ARHGAP42: variants seen among roughly 807,000 people sequenced by gnomAD.
ARHGAP42 encodes the protein Rho GTPase activating protein 42.
A neutral mutation model predicts 125.0 loss-of-function variants in ARHGAP42; 63 were observed. That is an observed-to-expected ratio of 0.50 (90% CI 0.41 to 0.62). The LOEUF (loss-of-function observed/expected upper bound fraction) is 0.62. ARHGAP42 is among the 20% of genes least tolerant of loss of function. The pLI, the probability that ARHGAP42 is intolerant of heterozygous loss-of-function variation, is 0.00. For synonymous variants in ARHGAP42, 339 were observed against 351.0 expected (o/e 0.97, Z 0.38); for missense variants, 766 against 1,024.2 (o/e 0.75, Z 3.44).
At chr11:100,717,786 C>G (rs769106401) in intron 1 of ARHGAP42, among the ~76,000 whole-genome samples, 2 of 151,326 alleles carry the variant, frequency 1.3e-5, no homozygotes, top group African/African-American at 2.4e-5. Flanking sequence ...ATTAACAGGA[C>G]GTGGTGGCAC....
intron 3 of ARHGAP42, among the ~76,000 whole-genome samples, chr11:100,838,669 G>A (rs1297253537): frequency 6.6e-6 from 1 of 151,692 alleles, no homozygotes; most frequent in Non-Finnish European, 1.5e-5. Context: ...CTTTGGCCTG[G>A]GTAACAGAGC....
intron 4 of ARHGAP42, among the ~76,000 whole-genome samples, chr11:100,864,068 G>A (rs1865511237): frequency 6.6e-6 from 1 of 151,986 alleles, no homozygotes; most frequent in African/African-American, 2.4e-5. Context: ...TTCCATGACC[G>A]TGTTGGAAAC....
chr11:100,721,478 TC>T (rs1239309851), intron 1 of ARHGAP42, among the ~76,000 whole-genome samples: 6 of 139,028 alleles, frequency 4.3e-5, no homozygotes, highest in Admixed American at 3.6e-4. Context: ...TCTTTTCTTT[TC>T]TTTTTTTTTT....
intron 1 of ARHGAP42, among the ~76,000 whole-genome samples, chr11:100,702,193 C>T (rs1262069004): frequency 6.6e-6 from 1 of 151,898 alleles, no homozygotes; most frequent in Non-Finnish European, 1.5e-5. Flanking sequence ...TTCATTTGAA[C>T]ACTTGGAGGC....
At chr11:100,823,314 C>A (rs1006169778) in intron 3 of ARHGAP42, among the ~76,000 whole-genome samples, 2 of 152,172 alleles carry the variant, frequency 1.3e-5, no homozygotes, top group Admixed American at 6.5e-5. Flanking sequence ...TGGAAGACAA[C>A]TTGCAGGATT....
intron 3 of ARHGAP42, among the ~76,000 whole-genome samples, chr11:100,795,804 TATA>T (rs1863696410): frequency 6.6e-6 from 1 of 152,194 alleles, no homozygotes; most frequent in Non-Finnish European, 1.5e-5. Flanking sequence ...AATAGTAGTA[TATA>T]TCCCACAGGA....
chr11:100,986,964 C>T (rs756025548), intron 22 of ARHGAP42, among the ~76,000 whole-genome samples: 2 of 152,038 alleles, frequency 1.3e-5, no homozygotes, highest in Non-Finnish European at 2.9e-5. Context: ...TTTGCAAAGC[C>T]TCCACCTGTC....
At chr11:100,805,164 A>T (rs1480237800) in intron 3 of ARHGAP42, among the ~76,000 whole-genome samples, 1 of 152,236 alleles carries the variant, frequency 6.6e-6, no homozygotes, top group African/African-American at 2.4e-5. Context: ...TAGCCATTTC[A>T]AAGAAGAGGA....
intron 1 of ARHGAP42, among the ~76,000 whole-genome samples, chr11:100,737,547 G>A (rs1203396026): frequency 6.6e-6 from 1 of 151,402 alleles, no homozygotes; most frequent in Non-Finnish European, 1.5e-5. Context: ...TTTCCTATTG[G>A]TGATCATACT....
At chr11:100,888,734 A>G (rs1171567062) in intron 4 of ARHGAP42, among the ~76,000 whole-genome samples, 1 of 152,230 alleles carries the variant, frequency 6.6e-6, no homozygotes, top group Non-Finnish European at 1.5e-5. Context: ...CTTGAAGAAC[A>G]TGTAATGCTG....
chr11:100,740,966 A>G (rs911508544), intron 1 of ARHGAP42, among the ~76,000 whole-genome samples: 1 of 152,204 alleles, frequency 6.6e-6, no homozygotes, highest in African/African-American at 2.4e-5. Flanking sequence ...AAGCAGACAG[A>G]TTTATTTGAC....
At chr11:100,705,013 C>CAAAAAAA (rs1211966921) in intron 1 of ARHGAP42, among the ~76,000 whole-genome samples, 3 of 54,742 alleles carry the variant, frequency 5.5e-5, no homozygotes, top group African/African-American at 7.8e-5. Flanking sequence ...ACAACAACAA[C>CAAAAAAA]AAAAAAAAAA....
intron 9 of ARHGAP42, 130 bp from the exon 10 acceptor site, chr11:100,943,629 G>A (rs181117153): frequency 2.0e-5 from 11 of 537,174 alleles, no homozygotes; most frequent in African/African-American, 1.5e-4. Context: ...AAAAAGACAG[G>A]GTATGATTGT....
intron 2 of ARHGAP42, among the ~76,000 whole-genome samples, chr11:100,777,336 A>T (rs1377579656): frequency 6.6e-6 from 1 of 152,148 alleles, no homozygotes; most frequent in Non-Finnish European, 1.5e-5. Flanking sequence ...TGGTGAGGTG[A>T]CTCACATTGA....
At chr11:100,923,029 C>A (rs1249291005) in intron 6 of ARHGAP42, among the ~76,000 whole-genome samples, 1 of 152,142 alleles carries the variant, frequency 6.6e-6, no homozygotes, top group East Asian at 1.9e-4. Flanking sequence ...ATAGTGGACC[C>A]TTTAAGGATC....
At chr11:100,966,841 C>T (rs987044250) in intron 17 of ARHGAP42, among the ~76,000 whole-genome samples, 5 of 152,132 alleles carry the variant, frequency 3.3e-5, no homozygotes, top group African/African-American at 1.2e-4. Flanking sequence ...CAGTTTTAAA[C>T]TTACTTAAGA....
At chr11:100,697,841 C>T (rs917360369) in intron 1 of ARHGAP42, among the ~76,000 whole-genome samples, 2 of 152,034 alleles carry the variant, frequency 1.3e-5, no homozygotes, top group African/African-American at 4.8e-5. Context: ...CTTAAAATGT[C>T]TGAATGAAAG....
chr11:100,971,463 G>T (rs1202053906), intron 17 of ARHGAP42, among the ~76,000 whole-genome samples: 1 of 152,152 alleles, frequency 6.6e-6, no homozygotes, highest in African/African-American at 2.4e-5. Context: ...CTCCCTACAT[G>T]AATTGGGGAA....
At chr11:100,977,152 G>A (rs1858415335) in intron 21 of ARHGAP42, among the ~76,000 whole-genome samples, 181 bp downstream of exon 21, 1 of 152,180 alleles carries the variant, frequency 6.6e-6, no homozygotes, top group Non-Finnish European at 1.5e-5. Flanking sequence ...GAAGTCTTCG[G>A]ATATGGACAG....
Sources: gnomAD v4.1 joint callset for allele counts (sites outside exome capture counted in the v4.1 genomes callset) on GRCh38, gnomAD v4.1.1 for gene constraint, MANE v1.5 for transcripts, NCBI Gene and HGNC (gene_info 2026-07-23, HGNC 2026-07-21) for gene names.